AGAP1: variants seen among roughly 807,000 people sequenced by gnomAD.
The protein encoded by AGAP1 is ArfGAP with GTPase domain, ankyrin repeat and PH domain 1.
AGAP1 carries 29 observed loss-of-function variants against 105.3 expected under a neutral mutation model. That is an observed-to-expected ratio of 0.28 (90% CI 0.21 to 0.38). The LOEUF (loss-of-function observed/expected upper bound fraction) is 0.38, where lower values mean the gene tolerates loss of function less well. Ranked by LOEUF, AGAP1 falls within the 10% of genes least tolerant of loss-of-function variation. The pLI, the probability that AGAP1 is intolerant of heterozygous loss-of-function variation, is 1.00. For missense variants in AGAP1, 998 were observed against 1,165.1 expected, an observed-to-expected ratio of 0.86 and a Z score of 2.09; for synonymous variants, 509 against 485.9, an observed-to-expected ratio of 1.05 and a Z score of -0.63.
chr2:236,044,315 G>A lies in AGAP1; in HGVS notation c.1891+3474G>A, dbSNP rs184976534. 6.6e-6 allele frequency among the ~76,000 whole-genome samples: 1 copy of A among 152,236 alleles called. No homozygotes were observed. The highest frequency in any genetic ancestry group is 1.9e-4 in the East Asian group (1 of 5,162). On this transcript the variant is annotated intron_variant, in intron 15 of 17. Coordinates refer to ENST00000304032, the MANE Select transcript of AGAP1 (RefSeq NM_001037131.3). The surrounding 1 kb of genome is among the most constrained non-coding windows in gnomAD (Gnocchi z 5.7). ...TTCTGCCAGGAACATGCCAAGGAAA[G>A]TCCACACCTGAGGGCCCCTGAGAAT... is the stretch of plus-strand genomic sequence containing the variant.
At chr2:236,079,087 A>G (rs1424456895) in intron 16 of AGAP1, among the ~76,000 whole-genome samples, 4 of 152,158 alleles carry the variant, frequency 2.6e-5, no homozygotes, top group Non-Finnish European at 5.9e-5. Flanking sequence ...CCGATGCCAC[A>G]CCAGGCCTGG....
chr2:235,982,576 C>T lies in AGAP1; in HGVS notation c.1645+13953C>T, dbSNP rs2055144186. ...GAAGATAAGAATTTTCAACCTTCCT[C>T]TTCGTTGTCTGCTCTCCCAGGCTCA... On this transcript the variant is annotated intron_variant, in intron 13 of 17. Transcript: ENST00000304032. The surrounding 1 kb of genome is among the most constrained non-coding windows in gnomAD (Gnocchi z 4.9). Among the ~76,000 whole-genome samples the T allele has an allele frequency of 6.6e-6, 1 of 152,216 alleles. No homozygotes were observed. The highest frequency in any genetic ancestry group is 6.5e-5 in the Admixed American group (1 of 15,286).
chr2:235,929,429 C>A (rs1307033230), intron 11 of AGAP1, among the ~76,000 whole-genome samples: 2 of 152,166 alleles, frequency 1.3e-5, no homozygotes, highest in African/African-American at 4.8e-5. Flanking sequence ...ATCAAGCAGA[C>A]CTGCCTATGA....
At position 235,855,924 on chromosome 2, in the gene AGAP1, T is replaced by A. The variant is rs1318209025; in HGVS notation, c.1051-27421T>A. Among the ~76,000 whole-genome samples the A allele has an allele frequency of 1.3e-5, 2 of 152,014 alleles. No individual in the cohort carries two copies. Among genetic ancestry groups the A allele is most frequent in the Admixed American group, 6.6e-5 (1 of 15,262 alleles). On this transcript the variant is annotated intron_variant, in intron 9 of 17. Transcript: ENST00000304032. This position sits in a 1 kb window ranked among gnomAD's most constrained non-coding sequence, Gnocchi z 5.0. Reference sequence around the variant, plus strand: ...TTATTATTATCATTATTATTATTATTTTCTTTTGAGATGGAGTCTCGCTCT... The same window carrying A: ...TTATTATTATCATTATTATTATTATATTCTTTTGAGATGGAGTCTCGCTCT...
Position 235,562,283 on chromosome 2 carries a change from T to C in AGAP1, c.163+67434T>C, listed in dbSNP as rs1239054056. On this transcript the variant is annotated intron_variant, in intron 1 of 17. Transcript: ENST00000304032. Reference sequence around the variant, plus strand: ...ATAACATATTATGACTGCAATCAAGTGATTATAGCACGTGATTATACTTTT... The same window carrying C: ...ATAACATATTATGACTGCAATCAAGCGATTATAGCACGTGATTATACTTTT... 2.6e-5 allele frequency among the ~76,000 whole-genome samples: 4 copies of C among 152,190 alleles called. No individual in the cohort carries two copies. In the South Asian group the frequency reaches 8.3e-4, roughly 32 times the overall value.
At position 236,109,327 on chromosome 2, in the gene AGAP1, C is replaced by T. The variant is rs1213051147; in HGVS notation, c.2115-10865C>T. On this transcript the variant is annotated intron_variant, in intron 16 of 17. Coordinates refer to ENST00000304032, the MANE Select transcript of AGAP1 (RefSeq NM_001037131.3). This position sits in a 1 kb window ranked among gnomAD's most constrained non-coding sequence, Gnocchi z 5.4. ...CCGGGCAGCACTTCTGTTTTGGGTA[C>T]TGGTATCTATATGACTTGCCTTTTC... is the stretch of plus-strand genomic sequence containing the variant. 6.6e-6 allele frequency among the ~76,000 whole-genome samples: 1 copy of T among 152,200 alleles called. No individual in the cohort carries two copies. Among genetic ancestry groups the T allele is most frequent in the East Asian group, 1.9e-4 (1 of 5,206 alleles).
At chr2:235,537,525 A>G (rs1943279427) in intron 1 of AGAP1, among the ~76,000 whole-genome samples, 1 of 152,206 alleles carries the variant, frequency 6.6e-6, no homozygotes, top group Non-Finnish European at 1.5e-5. Flanking sequence ...CCATGGTAAC[A>G]TGCACTTGTG....
intron 1 of AGAP1, among the ~76,000 whole-genome samples, chr2:235,624,124 G>C (rs1946566374): frequency 6.6e-6 from 1 of 152,242 alleles, no homozygotes; most frequent in African/African-American, 2.4e-5. Context: ...ACCATTAAAT[G>C]TACATTTTAT....
At position 235,819,260 on chromosome 2, in the gene AGAP1, C is replaced by T. The variant is rs193272471; in HGVS notation, c.1050+11929C>T. 5.3e-5 allele frequency among the ~76,000 whole-genome samples: 8 copies of T among 151,982 alleles called. No homozygotes were observed. The East Asian group carries it at 1.5e-3, about 29-fold the overall frequency. Reference sequence around the variant, plus strand: ...TCCCAAGTAGTTGGGACTACAAGCACACACCACGATACCTGGCTAATTTTT... The same window carrying T: ...TCCCAAGTAGTTGGGACTACAAGCATACACCACGATACCTGGCTAATTTTT... On this transcript the variant is annotated intron_variant, in intron 9 of 17. Coordinates refer to ENST00000304032, the MANE Select transcript of AGAP1 (RefSeq NM_001037131.3).
intron 11 of AGAP1, among the ~76,000 whole-genome samples, chr2:235,926,523 G>A (rs1216546369): frequency 6.6e-6 from 1 of 152,202 alleles, no homozygotes. Flanking sequence ...TTGGATCCCA[G>A]AAACAATATT....
At chr2:235,949,372 T>G (rs1408458777) in intron 12 of AGAP1, among the ~76,000 whole-genome samples, 1 of 152,142 alleles carries the variant, frequency 6.6e-6, no homozygotes, top group East Asian at 1.9e-4. Flanking sequence ...GTTGAATTGG[T>G]AAGAAGTGCT....
In AGAP1 at chr2:236,010,940, G is replaced by A. The variant is rs376261795; in HGVS notation, c.1646-25621G>A. Among the ~76,000 whole-genome samples, 9 of 152,216 alleles carry A rather than the reference G, an allele frequency of 5.9e-5. No individual in the cohort carries two copies. In the South Asian group the frequency reaches 1.0e-3, roughly 18 times the overall value. On this transcript the variant is annotated intron_variant, in intron 13 of 17. Transcript: ENST00000304032. ...CGGGCACTCGTGGTCCCAGCTACTC[G>A]GGCGGCTGAGGCAGGAGAATGGCTT...
At chr2:235,683,820 G>T (rs137939509) in intron 1 of AGAP1, among the ~76,000 whole-genome samples, 2,474 of 151,962 alleles carry the variant, frequency 0.016, 24 homozygotes, top group South Asian at 0.041. Flanking sequence ...TTTACATTAG[G>T]TAATTCTCCT....
At position 235,615,247 on chromosome 2, in the gene AGAP1, A is replaced by G. The variant is rs1240771773; in HGVS notation, c.164-93932A>G. Among the ~76,000 whole-genome samples, 1 of 152,190 alleles carries G rather than the reference A, an allele frequency of 6.6e-6. No individual in the cohort carries two copies. The highest frequency in any genetic ancestry group is 1.5e-5 in the Non-Finnish European group (1 of 68,030). On this transcript the variant is annotated intron_variant, in intron 1 of 17. Coordinates refer to ENST00000304032, the MANE Select transcript of AGAP1 (RefSeq NM_001037131.3). The surrounding 1 kb of genome is among the most constrained non-coding windows in gnomAD (Gnocchi z 5.0). ...ACCCTCGGTTGGGTTGTCCAGGGTC[A>G]CATGGTTGGGAGTCAGAACCAGACT...
chr2:235,819,370 C>G lies in AGAP1; in HGVS notation c.1050+12039C>G, dbSNP rs185414864. 4.2e-3 allele frequency among the ~76,000 whole-genome samples: 638 copies of G among 152,184 alleles called. 7 individuals are homozygous for G. The highest frequency in any genetic ancestry group is 0.015 in the African/African-American group (618 of 41,516). ...GCTCAGGCAATCCACCCACCTCCAC[C>G]TCCCAGAGTGCTGGGATTACAGGCG... On this transcript the variant is annotated intron_variant, in intron 9 of 17. Coordinates refer to ENST00000304032, the MANE Select transcript of AGAP1 (RefSeq NM_001037131.3).
chr2:235,594,883 GTTTTTTTT>G (rs34386154), intron 1 of AGAP1, among the ~76,000 whole-genome samples: 1 of 109,912 alleles, frequency 9.1e-6, no homozygotes, highest in Non-Finnish European at 1.8e-5. Context: ...CCAGATTGCT[GTTTTTTTT>G]TTTTTTTTTT....
rs914648658 is a variant in AGAP1 at position 235,953,668 on chromosome 2, C to T, written c.1484-14794C>T. 4.6e-5 allele frequency among the ~76,000 whole-genome samples: 7 copies of T among 152,150 alleles called. No individual in the cohort carries two copies. Among genetic ancestry groups the T allele is most frequent in the African/African-American group, 7.2e-5 (3 of 41,428 alleles). On this transcript the variant is annotated intron_variant, in intron 12 of 17. Coordinates refer to ENST00000304032, the MANE Select transcript of AGAP1 (RefSeq NM_001037131.3). This position sits in a 1 kb window ranked among gnomAD's most constrained non-coding sequence, Gnocchi z 5.2. ...GCATCTGTAAAGAAAATTTTTTCCA[C>T]GCCTGTAATCTCAGTGCTTTGGGAG...
intron 12 of AGAP1, among the ~76,000 whole-genome samples, chr2:235,943,570 G>A (rs1464468712): frequency 2.6e-5 from 4 of 151,948 alleles, no homozygotes; most frequent in South Asian, 2.1e-4. Context: ...GGCTGGTCCC[G>A]AACTCCTGAC....
intron 9 of AGAP1, among the ~76,000 whole-genome samples, chr2:235,840,383 G>C (rs1392714323): frequency 6.6e-6 from 1 of 152,242 alleles, no homozygotes; most frequent in African/African-American, 2.4e-5. Flanking sequence ...GAGAAGACAA[G>C]GCTGTTCCTC....
Sources: allele counts gnomAD v4.1 joint callset (sites outside exome capture counted in the v4.1 genomes callset), GRCh38; gene constraint gnomAD v4.1.1; non-coding constraint Gnocchi (gnomAD v3.1); transcripts MANE v1.5; gene names NCBI Gene and HGNC (gene_info 2026-07-23, HGNC 2026-07-21).